The following CACNA1B variants were observed in gnomAD, a reference collection of about 807,000 sequenced individuals.
CACNA1B encodes the protein calcium voltage-gated channel subunit alpha1 B, also known as voltage-dependent N-type calcium channel subunit alpha-1B.
A neutral mutation model predicts 247.2 loss-of-function variants in CACNA1B; 70 were observed. The observed-to-expected ratio is 0.28, with a 90% CI of 0.23 to 0.35. The LOEUF (loss-of-function observed/expected upper bound fraction) is 0.35, where lower values mean the gene tolerates loss of function less well. Ranked by LOEUF, CACNA1B falls within the 10% of genes least tolerant of loss-of-function variation. The pLI is 1.00. For missense variants in CACNA1B, 2,367 were observed against 3,197.4 expected (o/e 0.74, Z 6.26); for synonymous variants, 1,231 against 1,294.4 (o/e 0.95, Z 1.05).
Position 138,123,046 on chromosome 9 carries a change from C to T in CACNA1B, c.*1047C>T, listed in dbSNP as rs1393224719. 6.6e-6 allele frequency: 1 copy of T among 152,274 alleles called. No homozygotes were observed. The highest frequency in any genetic ancestry group is 1.5e-5 in the Non-Finnish European group (1 of 68,060). 9.4% of individuals were successfully genotyped at this position (152,274 alleles called of 1,614,324 possible). ...CCAAGGAAGCCACAGGGCAGCTGACCACGTGCTTGTGTGAGGCATTTTCAG... is the reference window on the plus strand; with the variant it reads ...CCAAGGAAGCCACAGGGCAGCTGACTACGTGCTTGTGTGAGGCATTTTCAG... On this transcript the variant is annotated 3_prime_UTR_variant, in exon 47 of 47. Transcript: ENST00000371372.
intron 6 of CACNA1B, among the ~76,000 whole-genome samples, chr9:137,923,308 T>C (rs139255405): frequency 0.011 from 1,638 of 149,430 alleles, 25 homozygotes; most frequent in African/African-American, 0.021. Context: ...TGGTGCCAGG[T>C]AGTATTCCGT....
chr9:138,022,574 G>A (rs1958858327), intron 18 of CACNA1B, among the ~76,000 whole-genome samples: 1 of 152,042 alleles, frequency 6.6e-6, no homozygotes, highest in African/African-American at 2.4e-5. Flanking sequence ...GCTGCAGCAG[G>A]GGCCAGCTCC....
chr9:137,934,146 G>C (rs996691978), intron 6 of CACNA1B, among the ~76,000 whole-genome samples: 13 of 152,244 alleles, frequency 8.5e-5, no homozygotes, highest in African/African-American at 3.1e-4. Context: ...CTTATTTTTC[G>C]GCTGTCTTTT....
intron 10 of CACNA1B, among the ~76,000 whole-genome samples, chr9:137,960,272 A>T (rs200084830): frequency 3.7e-4 from 2 of 5,404 alleles, no homozygotes; most frequent in Non-Finnish European, 8.7e-4. Context: ...CCCGGAGAGA[A>T]GGGAGGTCCG....
intron 34 of CACNA1B, among the ~76,000 whole-genome samples, chr9:138,074,675 G>A (rs545754596): frequency 1.3e-5 from 2 of 152,382 alleles, no homozygotes; most frequent in East Asian, 3.9e-4. Flanking sequence ...TCAACAGGTG[G>A]ATGCACCGTG....
At position 138,073,960 on chromosome 9, in the gene CACNA1B, G is replaced by T; in HGVS notation, c.4792-41G>T. 6.4e-7 allele frequency: 1 copy of T among 1,556,886 alleles called. No individual in the cohort carries two copies. The highest frequency in any genetic ancestry group is 8.8e-7 in the Non-Finnish European group (1 of 1,134,412). ...CGTAGCAGGAGGCCTGGGCGTGGTGGCTGGGAGGTGCCTGTAGCTGACCGG... is the reference window on the plus strand; with the variant it reads ...CGTAGCAGGAGGCCTGGGCGTGGTGTCTGGGAGGTGCCTGTAGCTGACCGG... On this transcript the variant is annotated intron_variant, in intron 33 of 46. Coordinates refer to ENST00000371372, the MANE Select transcript of CACNA1B (RefSeq NM_000718.4). The surrounding 1 kb of genome is among the most constrained non-coding windows in gnomAD (Gnocchi z 6.4).
intron 6 of CACNA1B, among the ~76,000 whole-genome samples, chr9:137,939,362 C>T (rs1957705172): frequency 6.6e-6 from 1 of 152,114 alleles, no homozygotes; most frequent in Non-Finnish European, 1.5e-5. Context: ...TTATATCGGG[C>T]ACCTTCTGAG....
In CACNA1B at chr9:137,888,296, GC is replaced by G. The variant is rs1957045455; in HGVS notation, c.530+5415del. Among the ~76,000 whole-genome samples the G allele has an allele frequency of 6.6e-6, 1 of 151,906 alleles. No individual in the cohort carries two copies. The highest frequency in any genetic ancestry group is 1.5e-5 in the Non-Finnish European group (1 of 67,910). ...GGTGCCTTTCCCCTTCCGTGCCCCA[GC>G]CAGTCTCACGTGCATCCACGCTCCC... On this transcript the variant is annotated intron_variant, in intron 3 of 46. Coordinates refer to ENST00000371372, the MANE Select transcript of CACNA1B (RefSeq NM_000718.4). The surrounding 1 kb of genome is among the most constrained non-coding windows in gnomAD (Gnocchi z 4.7).
At chr9:138,097,875 G>A (rs1253997680) in intron 37 of CACNA1B, among the ~76,000 whole-genome samples, 1 of 152,162 alleles carries the variant, frequency 6.6e-6, no homozygotes, top group Admixed American at 6.5e-5. Context: ...AAAGGCCTGG[G>A]AGCCCGACTA....
intron 26 of CACNA1B, among the ~76,000 whole-genome samples, chr9:138,055,084 T>C (rs1295094701): frequency 1.3e-5 from 2 of 152,136 alleles, no homozygotes; most frequent in Admixed American, 6.5e-5. Flanking sequence ...TGCTTTCTAC[T>C]CTTTTAATGG....
chr9:138,010,085 G>C lies in CACNA1B; in HGVS notation c.2160+8G>C, dbSNP rs549588684. 6.2e-7 allele frequency: 1 copy of C among 1,610,786 alleles called. No homozygotes were observed. Among genetic ancestry groups the C allele is most frequent in the East Asian group, 2.2e-5 (1 of 44,878 alleles). On this transcript the variant is annotated splice_region_variant and intron_variant, in intron 17 of 46. Coordinates refer to ENST00000371372, the MANE Select transcript of CACNA1B (RefSeq NM_000718.4). The surrounding 1 kb of genome is among the most constrained non-coding windows in gnomAD (Gnocchi z 5.3). ...GCCCAAGAGCTGACCAAGGTAGGTG[G>C]CGACAGGGAGGGACCGGTGTCAGCC... is the stretch of plus-strand genomic sequence containing the variant.
chr9:138,059,075 G>A lies in CACNA1B; in HGVS notation c.4474-4G>A, dbSNP rs757030496. On this transcript the variant is annotated splice_region_variant and splice_polypyrimidine_tract_variant and intron_variant, in intron 29 of 46. Coordinates refer to ENST00000371372, the MANE Select transcript of CACNA1B (RefSeq NM_000718.4). This position sits in a 1 kb window ranked among gnomAD's most constrained non-coding sequence, Gnocchi z 4.2. ...ATGGCCAACAGTGCCTATTCCCCGG[G>A]CAGTTCTATGATGCACCCTATGAGT... 3.2e-6 allele frequency: 5 copies of A among 1,582,128 alleles called. No homozygotes were observed. The highest frequency in any genetic ancestry group is 3.3e-5 in the Admixed American group (2 of 59,712).
At chr9:138,099,502 G>T (rs1407885060) in intron 37 of CACNA1B, among the ~76,000 whole-genome samples, 1 of 151,688 alleles carries the variant, frequency 6.6e-6, no homozygotes, top group Admixed American at 6.6e-5. Flanking sequence ...TGCCTGTGGT[G>T]TGCACGTGTC....
At chr9:138,099,486 CGT>C (rs1261288928) in intron 37 of CACNA1B, among the ~76,000 whole-genome samples, 5 of 148,810 alleles carry the variant, frequency 3.4e-5, no homozygotes, top group Admixed American at 6.7e-5. Flanking sequence ...TGCACATGCC[CGT>C]GTGTGCCTGT....
At chr9:137,905,270 T>C (rs1381278817) in intron 3 of CACNA1B, among the ~76,000 whole-genome samples, 4 of 151,940 alleles carry the variant, frequency 2.6e-5, no homozygotes, top group Non-Finnish European at 4.4e-5. Flanking sequence ...GGAGAATCGC[T>C]TGAACCCAGG....
rs752384441 is a variant in CACNA1B, at chr9:137,913,278, C to T, written c.622+7C>T. The T allele has an allele frequency of 6.2e-7, 1 of 1,609,014 alleles. No individual in the cohort carries two copies. Among genetic ancestry groups the T allele is most frequent in the South Asian group, 1.1e-5 (1 of 90,914 alleles). ...CTGGTGTCTGGGATTCCAAGTGAGTCCAGCGAAGACAGGCCCAAGCCGGCT... is the reference window on the plus strand; with the variant it reads ...CTGGTGTCTGGGATTCCAAGTGAGTTCAGCGAAGACAGGCCCAAGCCGGCT... On this transcript the variant is annotated splice_region_variant and intron_variant, in intron 4 of 46. Coordinates refer to ENST00000371372, the MANE Select transcript of CACNA1B (RefSeq NM_000718.4). The surrounding 1 kb of genome is among the most constrained non-coding windows in gnomAD (Gnocchi z 5.2).
At chr9:137,920,438 C>A (rs1181290338) in intron 6 of CACNA1B, among the ~76,000 whole-genome samples, 1 of 152,192 alleles carries the variant, frequency 6.6e-6, no homozygotes, top group Admixed American at 6.5e-5. Flanking sequence ...CTCAAGTGAT[C>A]TACCTGCCTC....
At chr9:138,035,152 G>A (rs1322272418) in intron 20 of CACNA1B, among the ~76,000 whole-genome samples, 1 of 152,190 alleles carries the variant, frequency 6.6e-6, no homozygotes, top group Admixed American at 6.5e-5. Flanking sequence ...TTATCTTATA[G>A]CATCTCAAGA....
chr9:137,895,419 A>G (rs1469373731), intron 3 of CACNA1B, among the ~76,000 whole-genome samples: 1 of 152,266 alleles, frequency 6.6e-6, no homozygotes, highest in Non-Finnish European at 1.5e-5. Context: ...CCAGAATTAT[A>G]TAAAACCTGT....
Sources: allele counts gnomAD v4.1 joint callset (sites outside exome capture counted in the v4.1 genomes callset), GRCh38; gene constraint gnomAD v4.1.1; non-coding constraint Gnocchi (gnomAD v3.1); transcripts MANE v1.5; gene names NCBI Gene and HGNC (gene_info 2026-07-23, HGNC 2026-07-21).